Variants in PSMD14 observed in about 807,000 individuals in gnomAD.
The protein encoded by PSMD14 is proteasome 26S subunit, non-ATPase 14.
Under a neutral mutation model 41.2 loss-of-function variants are expected in PSMD14, and 7 were observed. The ratio of observed to expected loss-of-function variants is 0.17; its 90% CI spans 0.10 to 0.32. The LOEUF (loss-of-function observed/expected upper bound fraction) is 0.32. PSMD14 is among the 10% of genes least tolerant of loss of function. The pLI, the probability that PSMD14 is intolerant of heterozygous loss-of-function variation, is 1.00. For missense variants in PSMD14, 139 were observed against 375.6 expected, an observed-to-expected ratio of 0.37 and a Z score of 5.21; for synonymous variants, 114 against 122.3, an observed-to-expected ratio of 0.93 and a Z score of 0.45.
chr2:161,354,526 C>T (rs796794238), intron 3 of PSMD14, among the ~76,000 whole-genome samples: 5 of 151,988 alleles, frequency 3.3e-5, no homozygotes, highest in East Asian at 3.9e-4. Context: ...CAGTGGAGCA[C>T]GGTGATTGTT....
intron 7 of PSMD14, 62 bp from the exon 8 acceptor site, chr2:161,385,402 T>A: frequency 1.1e-6 from 1 of 870,736 alleles, no homozygotes; most frequent in Non-Finnish European, 1.9e-6. Context: ...CCTTGTCCAC[T>A]GTTGCTTGGC....
At chr2:161,381,444 A>G (rs1683568964) in intron 7 of PSMD14, 2 of 151,804 alleles carry the variant, frequency 1.3e-5, no homozygotes, top group Non-Finnish European at 2.9e-5. Context: ...GAAAAGAGAG[A>G]GAGAAAAAAA....
At chr2:161,395,450 G>A (rs1683779678) in intron 10 of PSMD14, among the ~76,000 whole-genome samples, 1 of 152,156 alleles carries the variant, frequency 6.6e-6, no homozygotes, top group African/African-American at 2.4e-5. Flanking sequence ...AGCCAGATTT[G>A]TCCCATGGGC....
intron 10 of PSMD14, among the ~76,000 whole-genome samples, chr2:161,403,286 A>C (rs925840944): frequency 3.3e-5 from 5 of 152,202 alleles, no homozygotes; most frequent in Non-Finnish European, 7.3e-5. Flanking sequence ...AAGAAGACAG[A>C]TGCAAAAGGC....
chr2:161,345,837 A>G (rs1470358438), intron 3 of PSMD14, among the ~76,000 whole-genome samples: 2 of 151,732 alleles, frequency 1.3e-5, no homozygotes, highest in Admixed American at 6.6e-5. Flanking sequence ...TTTTTCCCCA[A>G]TCATTTTGCC....
At chr2:161,315,651 A>C (rs1476988031) in intron 1 of PSMD14, among the ~76,000 whole-genome samples, 1 of 152,040 alleles carries the variant, frequency 6.6e-6, no homozygotes, top group Non-Finnish European at 1.5e-5. Context: ...GGAATAGTTG[A>C]TTAAGAAATG....
chr2:161,312,288 C>T (rs943763762), intron 1 of PSMD14, among the ~76,000 whole-genome samples: 1 of 151,904 alleles, frequency 6.6e-6, no homozygotes, highest in Non-Finnish European at 1.5e-5. Context: ...GGATTATAAG[C>T]ACCCGTCACC....
intron 3 of PSMD14, among the ~76,000 whole-genome samples, chr2:161,345,037 G>C (rs886552721): frequency 6.6e-6 from 1 of 152,024 alleles, no homozygotes. Flanking sequence ...TGAGTTCCGT[G>C]ATCCATTTTG....
intron 3 of PSMD14, among the ~76,000 whole-genome samples, chr2:161,355,964 A>G (rs1683191303): frequency 6.6e-6 from 1 of 152,126 alleles, no homozygotes; most frequent in African/African-American, 2.4e-5. Context: ...TTCTGAGGGG[A>G]GAGTTGCAGT....
intron 3 of PSMD14, among the ~76,000 whole-genome samples, chr2:161,329,481 G>A (rs1214433904): frequency 6.6e-6 from 1 of 151,918 alleles, no homozygotes; most frequent in Non-Finnish European, 1.5e-5. Context: ...GTATTTATAT[G>A]CTCATGAATA....
intron 8 of PSMD14, among the ~76,000 whole-genome samples, 155 bp from the exon 9 acceptor site, chr2:161,390,946 TAAG>T (rs1249913969): frequency 5.3e-5 from 8 of 152,192 alleles, no homozygotes; most frequent in African/African-American, 1.7e-4. Context: ...AACTTGTAGC[TAAG>T]AAGAATACTT....
chr2:161,314,258 G>A (rs976636331), intron 1 of PSMD14, among the ~76,000 whole-genome samples: 2 of 152,084 alleles, frequency 1.3e-5, no homozygotes, highest in African/African-American at 2.4e-5. Context: ...CATCTCTTTA[G>A]AAAACAGGTT....
At chr2:161,385,346 A>G (rs960231136) in intron 7 of PSMD14, 118 bp from the exon 8 acceptor site, 3 of 452,480 alleles carry the variant, frequency 6.6e-6, no homozygotes, top group African/African-American at 2.0e-5. Flanking sequence ...ATTATAATTA[A>G]ATGATTTTCT....
chr2:161,380,498 A>G (rs1269930921), intron 7 of PSMD14, among the ~76,000 whole-genome samples: 1 of 151,914 alleles, frequency 6.6e-6, no homozygotes, highest in Non-Finnish European at 1.5e-5. Context: ...AAAAAAAGTA[A>G]ATTATGCAAG....
At position 161,310,025 on chromosome 2, in the gene PSMD14, G is replaced by A. The variant is rs555610585; in HGVS notation, c.-138+1421G>A. On this transcript the variant is annotated intron_variant, in intron 1 of 11. Transcript: ENST00000409682. Reference sequence around the variant, plus strand: ...AGTATAAAAAAATCAGCCGGGCATGGTGGCACGTGCCTGTATTCCCAGCTA... The same window carrying A: ...AGTATAAAAAAATCAGCCGGGCATGATGGCACGTGCCTGTATTCCCAGCTA... 7.9e-5 allele frequency among the ~76,000 whole-genome samples: 12 copies of A among 152,218 alleles called. 1 individual carries two copies. The South Asian group carries it at 2.5e-3, about 32-fold the overall frequency.
At chr2:161,359,247 T>A (rs1574129134) in intron 3 of PSMD14, among the ~76,000 whole-genome samples, 2 of 152,172 alleles carry the variant, frequency 1.3e-5, no homozygotes, top group South Asian at 4.1e-4. Context: ...GCTGGGATTA[T>A]AGGTGTGAGC....
intron 3 of PSMD14, among the ~76,000 whole-genome samples, chr2:161,366,414 AC>A (rs1437742490): frequency 6.6e-6 from 1 of 152,008 alleles, no homozygotes; most frequent in African/African-American, 2.4e-5. Context: ...ACACACACAC[AC>A]ACACACAAAA....
intron 1 of PSMD14, chr2:161,308,876 G>C (rs1397353929): frequency 1.3e-5 from 2 of 152,324 alleles, no homozygotes; most frequent in Non-Finnish European, 1.5e-5. Context: ...GAGAATCCTT[G>C]TTTATGGCCT....
chr2:161,334,012 G>A (rs1682833187), intron 3 of PSMD14, among the ~76,000 whole-genome samples: 1 of 150,730 alleles, frequency 6.6e-6, no homozygotes, highest in Non-Finnish European at 1.5e-5. Context: ...GCCTGGGACA[G>A]AGCAAGACTC....
Sources: allele counts gnomAD v4.1 joint callset (sites outside exome capture counted in the v4.1 genomes callset), GRCh38; gene constraint gnomAD v4.1.1; transcripts MANE v1.5; gene names NCBI Gene and HGNC (gene_info 2026-07-23, HGNC 2026-07-21).